The following DPP10 variants were observed in gnomAD, a reference collection of about 807,000 sequenced individuals.
The protein encoded by DPP10 is dipeptidyl peptidase like 10.
In DPP10, 33 loss-of-function variants were observed where a neutral mutation model predicts 120.9. That is an observed-to-expected ratio of 0.27 (90% CI 0.21 to 0.37). The LOEUF (loss-of-function observed/expected upper bound fraction) is 0.37. Ranked by LOEUF, DPP10 falls within the 10% of genes least tolerant of loss-of-function variation. The pLI is 1.00. For missense variants in DPP10, 816 were observed against 942.8 expected, an observed-to-expected ratio of 0.87 and a Z score of 1.76; for synonymous variants, 337 against 326.1, an observed-to-expected ratio of 1.03 and a Z score of -0.36.
At chr2:114,599,643 C>T (rs570564305) in intron 1 of DPP10, among the ~76,000 whole-genome samples, 17 of 151,556 alleles carry the variant, frequency 1.1e-4, no homozygotes, top group South Asian at 8.3e-4. Context: ...TGTTTATGGA[C>T]ATTTTTGTTG....
intron 21 of DPP10, among the ~76,000 whole-genome samples, chr2:115,833,680 C>A (rs887788431): frequency 6.6e-6 from 1 of 152,066 alleles, no homozygotes; most frequent in Non-Finnish European, 1.5e-5. Context: ...GTTTCATGAA[C>A]AAAATTACTA....
intron 17 of DPP10, among the ~76,000 whole-genome samples, chr2:115,784,721 CG>C (rs1270103671): frequency 1.3e-5 from 2 of 151,964 alleles, no homozygotes; most frequent in African/African-American, 4.8e-5. Flanking sequence ...TTAGTAGAGA[CG>C]GGGTTTCTCC....
chr2:115,730,003 G>A (rs950227319), intron 8 of DPP10, among the ~76,000 whole-genome samples: 7 of 152,122 alleles, frequency 4.6e-5, no homozygotes, highest in East Asian at 1.9e-4. Context: ...AGCAAGAAGC[G>A]AGGGATAGTG....
At chr2:114,605,810 G>A (rs1692740164) in intron 1 of DPP10, among the ~76,000 whole-genome samples, 1 of 152,122 alleles carries the variant, frequency 6.6e-6, no homozygotes, top group African/African-American at 2.4e-5. Context: ...AGCAAGTAAG[G>A]AACAGACTTC....
At chr2:114,500,964 C>G (rs1055240091) in intron 1 of DPP10, among the ~76,000 whole-genome samples, 5 of 152,180 alleles carry the variant, frequency 3.3e-5, no homozygotes, top group African/African-American at 1.2e-4. Context: ...GGAACACTTT[C>G]CATGCACTTC....
intron 1 of DPP10, among the ~76,000 whole-genome samples, chr2:114,702,982 C>T (rs1015933060): frequency 2.0e-5 from 3 of 152,004 alleles, no homozygotes; most frequent in African/African-American, 7.2e-5. Context: ...ATCCAAATAC[C>T]TCTGTATTAG....
intron 1 of DPP10, among the ~76,000 whole-genome samples, chr2:115,262,361 T>C (rs2059289414): frequency 6.6e-6 from 1 of 152,004 alleles, no homozygotes; most frequent in Non-Finnish European, 1.5e-5. Context: ...TATTTTAATA[T>C]GTTTACTATT....
intron 1 of DPP10, among the ~76,000 whole-genome samples, chr2:114,487,347 C>T (rs1486007899): frequency 6.6e-6 from 1 of 152,134 alleles, no homozygotes; most frequent in African/African-American, 2.4e-5. Flanking sequence ...CCTCATGTTG[C>T]TCTTTAGTCC....
In DPP10 at chr2:115,000,896, A is replaced by G. The variant is rs185501389; in HGVS notation, c.61-308343A>G. 1.2e-3 allele frequency among the ~76,000 whole-genome samples: 154 copies of G among 130,820 alleles called. 1 individual carries two copies. Among genetic ancestry groups the G allele is most frequent in the Non-Finnish European group, 2.3e-3 (134 of 58,994 alleles). The allele number at this position is 130,820 out of a possible 152,430, so 85.8% of individuals were successfully genotyped here. A position where few individuals can be genotyped will look rare whatever the true frequency, so the allele number is the denominator to read the frequency against. The stretch of plus-strand genomic sequence containing the variant: ...ATTCCTAACGAGTGAAATCATTGTG[A>G]TTATACAAGAAAAAATTGATTAAGG... On this transcript the variant is annotated intron_variant, in intron 1 of 25. Coordinates refer to ENST00000410059, the MANE Select transcript of DPP10 (RefSeq NM_020868.6).
At chr2:114,775,972 AG>A (rs1389678725) in intron 1 of DPP10, among the ~76,000 whole-genome samples, 1 of 152,192 alleles carries the variant, frequency 6.6e-6, no homozygotes, top group Non-Finnish European at 1.5e-5. Flanking sequence ...GCACATGGGA[AG>A]GACCCAGAAG....
intron 1 of DPP10, among the ~76,000 whole-genome samples, chr2:115,101,249 C>T (rs1277531939): frequency 6.6e-6 from 1 of 152,174 alleles, no homozygotes; most frequent in East Asian, 1.9e-4. Flanking sequence ...ATTTCTTCTG[C>T]ACCTACCCCA....
intron 1 of DPP10, chr2:114,833,681 T>C (rs1235190905): frequency 1.3e-5 from 2 of 152,166 alleles, no homozygotes; most frequent in Non-Finnish European, 2.9e-5. Context: ...GCCTCAGTTT[T>C]CACATCAGCC....
intron 1 of DPP10, among the ~76,000 whole-genome samples, chr2:114,490,219 A>G (rs532964227): frequency 3.4e-5 from 5 of 148,746 alleles, no homozygotes; most frequent in African/African-American, 1.2e-4. Context: ...CTTGTTCTGC[A>G]TCTGGTAAGC....
At chr2:115,790,865 G>A (rs1001189123) in intron 17 of DPP10, among the ~76,000 whole-genome samples, 2 of 152,106 alleles carry the variant, frequency 1.3e-5, no homozygotes, top group South Asian at 2.1e-4. Flanking sequence ...TTTTGAAAAC[G>A]TAAATGATAA....
chr2:115,085,951 G>C (rs988445356), intron 1 of DPP10, among the ~76,000 whole-genome samples: 2 of 152,112 alleles, frequency 1.3e-5, no homozygotes, highest in Admixed American at 6.6e-5. Flanking sequence ...TTCTCATCAG[G>C]TGGGTACCCT....
intron 3 of DPP10, among the ~76,000 whole-genome samples, chr2:115,481,965 A>G (rs966541864): frequency 6.6e-6 from 1 of 152,128 alleles, no homozygotes; most frequent in Non-Finnish European, 1.5e-5. Context: ...ACACAAGAAC[A>G]AACCATTTTT....
intron 1 of DPP10, among the ~76,000 whole-genome samples, chr2:114,750,185 A>G (rs1679066537): frequency 6.6e-6 from 1 of 152,128 alleles, no homozygotes; most frequent in Non-Finnish European, 1.5e-5. Flanking sequence ...ATGAAGGCAA[A>G]GTATGTTGAA....
At chr2:115,382,830 T>A (rs1233071742) in intron 3 of DPP10, among the ~76,000 whole-genome samples, 1 of 152,108 alleles carries the variant, frequency 6.6e-6, no homozygotes, top group African/African-American at 2.4e-5. Flanking sequence ...CTGAAGATAA[T>A]AAAGACACAA....
intron 1 of DPP10, among the ~76,000 whole-genome samples, chr2:114,960,566 A>G (rs1574577785): frequency 6.6e-6 from 1 of 152,134 alleles, no homozygotes; most frequent in South Asian, 2.1e-4. Flanking sequence ...AAACTAAAAT[A>G]TAATTTTAAG....
Sources: allele counts gnomAD v4.1 joint callset (sites outside exome capture counted in the v4.1 genomes callset), GRCh38; gene constraint gnomAD v4.1.1; transcripts MANE v1.5; gene names NCBI Gene and HGNC (gene_info 2026-07-23, HGNC 2026-07-21).